Variants in AKAP8L observed in about 807,000 individuals in gnomAD.
The protein encoded by AKAP8L is A-kinase anchor protein 8-like.
AKAP8L carries 34 observed loss-of-function variants against 77.5 expected under a neutral mutation model. That is an observed-to-expected ratio of 0.44 (90% CI 0.33 to 0.58). The LOEUF (loss-of-function observed/expected upper bound fraction) is 0.58. Ranked by LOEUF, AKAP8L falls within the 20% of genes least tolerant of loss-of-function variation. The pLI, the probability that AKAP8L is intolerant of heterozygous loss-of-function variation, is 0.02. For synonymous variants in AKAP8L, 342 were observed against 340.7 expected, an observed-to-expected ratio of 1.00 and a Z score of -0.04; for missense variants, 806 against 887.6, an observed-to-expected ratio of 0.91 and a Z score of 1.17.
intron 4 of AKAP8L, among the ~76,000 whole-genome samples, chr19:15,402,132 A>AG (rs777828015): frequency 9.2e-5 from 14 of 152,148 alleles, no homozygotes; most frequent in Admixed American, 4.6e-4. Flanking sequence ...CTGAGACAAA[A>AG]GGGGGAGTAT....
intron 1 of AKAP8L, among the ~76,000 whole-genome samples, chr19:15,412,186 C>T (rs1213216555): frequency 1.3e-5 from 2 of 151,818 alleles, no homozygotes; most frequent in East Asian, 3.9e-4. Context: ...CCAGCCTAGG[C>T]GACAGAGCAA....
At chr19:15,395,735 A>C (rs1967756703) in intron 12 of AKAP8L, among the ~76,000 whole-genome samples, 1 of 149,284 alleles carries the variant, frequency 6.7e-6, no homozygotes, top group Non-Finnish European at 1.5e-5. Context: ...CTGTAATCCC[A>C]GCACTTTGGG....
intron 2 of AKAP8L, 92 bp downstream of exon 2, chr19:15,410,428 C>G (rs1968085470): frequency 9.0e-7 from 1 of 1,107,820 alleles, no homozygotes; most frequent in African/African-American, 1.6e-5. Flanking sequence ...TTTAAAAAAG[C>G]ATGACAGGGT....
At position 15,401,101 on chromosome 19, in the gene AKAP8L, G is replaced by A. The variant is rs866466483; in HGVS notation, c.816+49C>T. The A allele has an allele frequency of 8.1e-6, 13 of 1,606,812 alleles. No homozygotes were observed. The highest frequency in any genetic ancestry group is 5.3e-5 in the African/African-American group (4 of 75,026). ...TGCATGGCACCCGGCCCTTAGCTCC[G>A]CCCCAGTGGGAACTAAGCTTCCCAG... On this transcript the variant is annotated intron_variant, in intron 5 of 13. Transcript: ENST00000397410. The surrounding 1 kb of genome is among the most constrained non-coding windows in gnomAD (Gnocchi z 6.2).
Position 15,399,315 on chromosome 19 carries a change from G to T in AKAP8L, c.1144C>A (p.Arg382Ser). Residue 382 changes from arginine (R) to serine (S), a missense_variant, in exon 9 of 14, where the codon CGC (arginine) becomes AGC (serine). Arg to Ser is a moderately radical substitution (Grantham distance 110). This residue lies in a region of AKAP8L where 580 missense variants were observed against 694.1 expected (regional missense o/e 0.84). Coordinates refer to ENST00000397410, the MANE Select transcript of AKAP8L (RefSeq NM_014371.4). This position sits in a 1 kb window ranked among gnomAD's most constrained non-coding sequence, Gnocchi z 6.1. ...QDKQKKRQRD[R>S]MVERIQFVCS... The stretch of plus-strand genomic sequence containing the variant: ...GAAGCTGGTTACCTTTCCACCATGC[G>T]GTCTCGCTGCCGCTTTTTCTGCTTG... The T allele has an allele frequency of 1.9e-6, 3 of 1,613,792 alleles. No homozygotes were observed. Among genetic ancestry groups the T allele is most frequent in the Non-Finnish European group, 2.5e-6 (3 of 1,179,766 alleles).
At chr19:15,412,833 C>T (rs1030102862) in intron 1 of AKAP8L, among the ~76,000 whole-genome samples, 42 of 152,208 alleles carry the variant, frequency 2.8e-4, no homozygotes, top group Admixed American at 1.3e-3. Context: ...TGAGCCACTG[C>T]GCCCGGCCAG....
Position 15,397,948 on chromosome 19 carries a change from G to T in AKAP8L, c.1158-93C>A. 6.7e-7 allele frequency: 1 copy of T among 1,502,460 alleles called. No individual in the cohort carries two copies. Among genetic ancestry groups the T allele is most frequent in the Non-Finnish European group, 9.0e-7 (1 of 1,112,066 alleles). 93.1% of individuals were successfully genotyped at this position (1,502,460 alleles called of 1,614,324 possible). A position where few individuals can be genotyped will look rare whatever the true frequency, so the allele number is the denominator to read the frequency against. ...CAACCCAGACACAAGCCCTGAAACA[G>T]GCCTTGCTCACGGGCCTCTGAAGTA... is the stretch of plus-strand genomic sequence containing the variant. On this transcript the variant is annotated intron_variant, in intron 9 of 13. Transcript: ENST00000397410. The surrounding 1 kb of genome is among the most constrained non-coding windows in gnomAD (Gnocchi z 4.7).
At chr19:15,406,400 A>AGAGAGAGAGAGAGAGAGAGG (rs1183555648) in intron 2 of AKAP8L, among the ~76,000 whole-genome samples, 15 of 146,426 alleles carry the variant, frequency 1.0e-4, no homozygotes, top group African/African-American at 3.5e-4. Context: ...AGAGAGAGAG[A>AGAGAGAGAGAGAGAGAGAGG]GAGATCCTTA....
chr19:15,394,580 G>T (rs1599600270), intron 12 of AKAP8L, among the ~76,000 whole-genome samples: 2 of 151,560 alleles, frequency 1.3e-5, no homozygotes, highest in African/African-American at 4.9e-5. Flanking sequence ...GTCTTGCTCT[G>T]TTGCCCAGTC....
At position 15,403,453 on chromosome 19, in the gene AKAP8L, C is replaced by A. The variant is rs776639391; in HGVS notation, c.362+22G>T. The A allele has an allele frequency of 3.1e-6, 5 of 1,612,914 alleles. No individual in the cohort carries two copies. The highest frequency in any genetic ancestry group is 2.5e-6 in the Non-Finnish European group (3 of 1,179,116). On this transcript the variant is annotated intron_variant, in intron 4 of 13. Transcript: ENST00000397410. This position sits in a 1 kb window ranked among gnomAD's most constrained non-coding sequence, Gnocchi z 4.3. ...GGAGCCGCCCCTGCAGAGTCTCAAC[C>A]CCTAGGCAGGTGTCCACTCACCTTT...
At chr19:15,387,712 G>C (rs1967568202) in intron 12 of AKAP8L, among the ~76,000 whole-genome samples, 1 of 152,194 alleles carries the variant, frequency 6.6e-6, no homozygotes, top group Non-Finnish European at 1.5e-5. Flanking sequence ...TGTAATCCCA[G>C]CACCTTGTGA....
chr19:15,417,220 C>T (rs1355758348), intron 1 of AKAP8L, among the ~76,000 whole-genome samples: 1 of 152,154 alleles, frequency 6.6e-6, no homozygotes, highest in African/African-American at 2.4e-5. Flanking sequence ...CATTCATCTT[C>T]TGGTTTCTTC....
chr19:15,400,103 G>T, intron 8 of AKAP8L, 192 bp downstream of exon 8: 1 of 621,736 alleles, frequency 1.6e-6, no homozygotes, highest in Non-Finnish European at 2.8e-6. Flanking sequence ...GCCTCCGCCT[G>T]GGAAGGAGGA....
intron 12 of AKAP8L, chr19:15,383,847 G>C (rs541890383): frequency 3.3e-5 from 5 of 151,476 alleles, no homozygotes; most frequent in Non-Finnish European, 5.9e-5. Flanking sequence ...AATTTGGAGA[G>C]AACTGGTTTT....
intron 12 of AKAP8L, among the ~76,000 whole-genome samples, chr19:15,389,051 A>G (rs1967602448): frequency 7.7e-6 from 1 of 130,494 alleles, no homozygotes; most frequent in African/African-American, 2.8e-5. Flanking sequence ...CATCTCTACT[A>G]AAAAAAAAAA....
At chr19:15,380,806 A>G in intron 12 of AKAP8L, 194 bp from the exon 13 acceptor site, 1 of 597,106 alleles carries the variant, frequency 1.7e-6, no homozygotes, top group Admixed American at 2.9e-5. Flanking sequence ...CTCCTTCCAC[A>G]CCACACTTAC....
chr19:15,392,891 T>C, intron 12 of AKAP8L, among the ~76,000 whole-genome samples: 1 of 96 alleles, frequency 0.01, no homozygotes, highest in African/African-American at 0.033. Flanking sequence ...AGCAAAACTC[T>C]GTCTCAAAAA....
Position 15,380,641 on chromosome 19 carries a change from G to A in AKAP8L, c.1537-29C>T, listed in dbSNP as rs962794554. The A allele has an allele frequency of 9.3e-6, 15 of 1,607,248 alleles. 1 individual carries two copies. In the African/African-American group the frequency reaches 1.6e-4, roughly 17 times the overall value. ...CGGGCAGGGCAGAAGGAGCTGGAGA[G>A]GCTGCTCTGAGTGCCCTACAAGTTG... is the stretch of plus-strand genomic sequence containing the variant. On this transcript the variant is annotated intron_variant, in intron 12 of 13. Coordinates refer to ENST00000397410, the MANE Select transcript of AKAP8L (RefSeq NM_014371.4).
intron 12 of AKAP8L, among the ~76,000 whole-genome samples, chr19:15,396,003 G>C (rs201668510): frequency 1.6e-5 from 1 of 61,186 alleles, no homozygotes; most frequent in Non-Finnish European, 3.2e-5. Context: ...AAAAAAAAAA[G>C]AATCTGTTTT....
Sources: allele counts gnomAD v4.1 joint callset (sites outside exome capture counted in the v4.1 genomes callset), GRCh38; gene constraint gnomAD v4.1.1; regional missense constraint gnomAD v4.1.1; non-coding constraint Gnocchi (gnomAD v3.1); transcripts MANE v1.5; gene names NCBI Gene and HGNC (gene_info 2026-07-23, HGNC 2026-07-21).